Variants in PFKFB2 observed in about 807,000 individuals in gnomAD.
PFKFB2 encodes 6-phosphofructo-2-kinase/fructose-2,6-biphosphatase 2.
PFKFB2 carries 53 observed loss-of-function variants against 68.0 expected under a neutral mutation model. The ratio of observed to expected loss-of-function variants is 0.78; its 90% CI spans 0.63 to 0.98. The LOEUF (loss-of-function observed/expected upper bound fraction) is 0.98. PFKFB2 is among the 50% of genes least tolerant of loss of function. The pLI is 0.00. For synonymous variants in PFKFB2, 222 were observed against 227.6 expected (o/e 0.98, Z 0.22); for missense variants, 451 against 642.0 (o/e 0.70, Z 3.22).
intron 7 of PFKFB2, among the ~76,000 whole-genome samples, 172 bp from the exon 8 acceptor site, chr1:207,064,864 T>A (rs1683234376): frequency 7.5e-6 from 1 of 133,398 alleles, no homozygotes; most frequent in Non-Finnish European, 1.6e-5. Flanking sequence ...GTTGCCAGGG[T>A]CACAGGACGG....
rs752789808 is a variant in PFKFB2 at position 207,054,702 on chromosome 1, C to T, written c.-16C>T. 1.3e-6 allele frequency: 2 copies of T among 1,599,116 alleles called. No homozygotes were observed. Among genetic ancestry groups the T allele is most frequent in the Non-Finnish European group, 1.7e-6 (2 of 1,167,220 alleles). ...TTACATTCTACTTCTCTGTTTCAGA[C>T]ATCTGAAGAGCTGCCATGTCTGGGG... is the stretch of plus-strand genomic sequence containing the variant. On this transcript the variant is annotated splice_region_variant and 5_prime_UTR_variant, in exon 2 of 15. Transcript: ENST00000367080.
intron 2 of PFKFB2, among the ~76,000 whole-genome samples, chr1:207,057,401 C>T (rs1162338633): frequency 1.3e-5 from 2 of 150,176 alleles, no homozygotes; most frequent in African/African-American, 2.4e-5. Flanking sequence ...TGGCTTGAAC[C>T]CGGGAGGCGG....
At position 207,074,868 on chromosome 1, in the gene PFKFB2, C is replaced by T. The variant is rs993382645; in HGVS notation, c.*2497C>T. ...TCGCTTCTCCTGACTTTTCTGTTGT[C>T]CTATGGCTATGAGACTACAGGGGTT... On this transcript the variant is annotated 3_prime_UTR_variant, in exon 15 of 15. Coordinates refer to ENST00000367080, the MANE Select transcript of PFKFB2 (RefSeq NM_006212.2). 3.3e-5 allele frequency: 33 copies of T among 985,322 alleles called. No homozygotes were observed. The highest frequency in any genetic ancestry group is 1.8e-4 in the Admixed American group (3 of 16,268). The allele number at this position is 985,322 out of a possible 1,614,324, so 61.0% of individuals were successfully genotyped here.
intron 2 of PFKFB2, among the ~76,000 whole-genome samples, chr1:207,058,055 G>A (rs1020896593): frequency 1.3e-5 from 2 of 152,162 alleles, no homozygotes; most frequent in Non-Finnish European, 2.9e-5. Flanking sequence ...GTTCTATATT[G>A]TAAGCTGTTT....
rs201702529 is a variant in PFKFB2 at position 207,061,165 on chromosome 1, TTATATATATA to T, written c.86-760_86-751del. On this transcript the variant is annotated intron_variant, in intron 2 of 14. Coordinates refer to ENST00000367080, the MANE Select transcript of PFKFB2 (RefSeq NM_006212.2). Reference sequence around the variant, plus strand: ...TCTTTATATATATTTATATATATCTTTATATATATATATATATATATATATATATATATAT... The same window carrying T: ...TCTTTATATATATTTATATATATCTTTATATATATATATATATATATATAT... Among the ~76,000 whole-genome samples, 92 of 45,168 alleles carry T rather than the reference TTATATATATA, an allele frequency of 2.0e-3. 4 individuals are homozygous for T. Among genetic ancestry groups the T allele is most frequent in the African/African-American group, 6.5e-3 (72 of 11,094 alleles). 29.6% of individuals were successfully genotyped at this position (45,168 alleles called of 152,430 possible). A position where few individuals can be genotyped will look rare whatever the true frequency, so the allele number is the denominator to read the frequency against.
rs747776954 is a variant in PFKFB2 at position 207,071,187 on chromosome 1, G to A, written c.1223-1G>A. 6.2e-7 allele frequency: 1 copy of A among 1,613,352 alleles called. No individual in the cohort carries two copies. The highest frequency in any genetic ancestry group is 8.5e-7 in the Non-Finnish European group (1 of 1,179,302). On this transcript the variant is annotated splice_acceptor_variant, in intron 12 of 14. Coordinates refer to ENST00000367080, the MANE Select transcript of PFKFB2 (RefSeq NM_006212.2). LOFTEE classifies it high-confidence loss of function. ...CCCTCGCCTGGTCTTTCTGTTTTCA[G>A]ATGAGCTACCATACTTGAGATGCCC...
rs1683532057 is a variant in PFKFB2 at position 207,073,597 on chromosome 1, T to C, written c.*1226T>C. The C allele has an allele frequency of 1.0e-6, 1 of 985,120 alleles. No homozygotes were observed. Among genetic ancestry groups the C allele is most frequent in the Non-Finnish European group, 1.2e-6 (1 of 829,756 alleles). 61.0% of individuals were successfully genotyped at this position (985,120 alleles called of 1,614,324 possible). ...TGATGATGAATTTAATCTCTCTCAT[T>C]GGAGTATTCTTTTGTTCATAAAGAG... On this transcript the variant is annotated 3_prime_UTR_variant, in exon 15 of 15. Transcript: ENST00000367080.
chr1:207,076,791 T>G lies in PFKFB2; in HGVS notation c.*4420T>G, dbSNP rs957359609. ...GTAGTAGTGTCTGTGTGCTGACTGA[T>G]AGATAGACTATAGTAAAATTTGGGT... On this transcript the variant is annotated 3_prime_UTR_variant, in exon 15 of 15. Transcript: ENST00000367080. 2.0e-6 allele frequency: 2 copies of G among 982,090 alleles called. No individual in the cohort carries two copies. The highest frequency in any genetic ancestry group is 3.5e-5 in the African/African-American group (2 of 56,580). The allele number at this position is 982,090 out of a possible 1,614,324, so 60.8% of individuals were successfully genotyped here.
At chr1:207,050,990 G>C (rs753406894), upstream of PFKFB2, 2 of 1,531,492 alleles carry the variant, frequency 1.3e-6, no homozygotes, top group Admixed American at 2.1e-5. Context: ...ACCAGGCGCC[G>C]GGTGGACTCC....
In PFKFB2 at chr1:207,067,486, T is replaced by C. The variant is rs1198047364; in HGVS notation, c.633-13T>C. ...CTTACCTAGGGAATTTTTTTTTTCCTTTCCTGTCCCAGGGATCTTTCTTTC... is the reference window on the plus strand; with the variant it reads ...CTTACCTAGGGAATTTTTTTTTTCCCTTCCTGTCCCAGGGATCTTTCTTTC... On this transcript the variant is annotated splice_polypyrimidine_tract_variant and intron_variant, in intron 8 of 14. Transcript: ENST00000367080. 6.3e-7 allele frequency: 1 copy of C among 1,598,112 alleles called. No individual in the cohort carries two copies. The highest frequency in any genetic ancestry group is 1.7e-5 in the Admixed American group (1 of 57,554).
chr1:207,077,710 A>T lies in PFKFB2; in HGVS notation c.*5339A>T, dbSNP rs1683668880. 1 of 985,428 alleles carries T rather than the reference A, an allele frequency of 1.0e-6. No individual in the cohort carries two copies. The highest frequency in any genetic ancestry group is 1.7e-5 in the African/African-American group (1 of 57,246). 61.0% of individuals were successfully genotyped at this position (985,428 alleles called of 1,614,324 possible). ...TTTAATCGGGTGACACTGATAACAA[A>T]GTATGCCACTCAGATCCATTTAAAG... On this transcript the variant is annotated 3_prime_UTR_variant, in exon 15 of 15. Transcript: ENST00000367080.
downstream of PFKFB2, among the ~76,000 whole-genome samples, chr1:207,077,994 G>A (rs945649322): frequency 6.6e-6 from 1 of 152,220 alleles, no homozygotes; most frequent in Non-Finnish European, 1.5e-5. Context: ...ACCTTCTGGG[G>A]AAGATAGGAA....
chr1:207,052,431 G>A, upstream of PFKFB2: 4 of 502,776 alleles, frequency 8.0e-6, no homozygotes, highest in Non-Finnish European at 1.1e-5. Flanking sequence ...GGAGGCCGAG[G>A]CGGGTGAATC....
At chr1:207,064,586 G>A (rs567475194) in intron 7 of PFKFB2, among the ~76,000 whole-genome samples, 2 of 152,166 alleles carry the variant, frequency 1.3e-5, no homozygotes, top group South Asian at 2.1e-4. Flanking sequence ...CTGCTGGACC[G>A]AGTAGATATC....
At chr1:207,078,349 A>G (rs1683684169), downstream of PFKFB2, among the ~76,000 whole-genome samples, 1 of 152,190 alleles carries the variant, frequency 6.6e-6, no homozygotes, top group Non-Finnish European at 1.5e-5. Flanking sequence ...GAAATGCAGA[A>G]TCCCAGGCCC....
chr1:207,074,016 C>T lies in PFKFB2; in HGVS notation c.*1645C>T. On this transcript the variant is annotated 3_prime_UTR_variant, in exon 15 of 15. Transcript: ENST00000367080. Reference sequence around the variant, plus strand: ...GCTGTGGTTCTCATCCAGGAGTATTCCTTAGAATTGCCTTTAGGATTGTTG... The same window carrying T: ...GCTGTGGTTCTCATCCAGGAGTATTTCTTAGAATTGCCTTTAGGATTGTTG... 2.1e-6 allele frequency: 2 copies of T among 970,084 alleles called. No individual in the cohort carries two copies. The highest frequency in any genetic ancestry group is 2.5e-6 in the Non-Finnish European group (2 of 815,980). The allele number at this position is 970,084 out of a possible 1,614,324, so 60.1% of individuals were successfully genotyped here. A position where few individuals can be genotyped will look rare whatever the true frequency, so the allele number is the denominator to read the frequency against.
rs1683597593 is a variant in PFKFB2, at chr1:207,075,552, A to T, written c.*3181A>T. ...TGTCTATCACAAGTCCTACAAAATA[A>T]AAATGGACTTAAAAGTACTCTCTGC... On this transcript the variant is annotated 3_prime_UTR_variant, in exon 15 of 15. Coordinates refer to ENST00000367080, the MANE Select transcript of PFKFB2 (RefSeq NM_006212.2). The T allele has an allele frequency of 1.0e-6, 1 of 985,234 alleles. No homozygotes were observed. The highest frequency in any genetic ancestry group is 1.7e-5 in the African/African-American group (1 of 57,250). 61.0% of individuals were successfully genotyped at this position (985,234 alleles called of 1,614,324 possible). A position where few individuals can be genotyped will look rare whatever the true frequency, so the allele number is the denominator to read the frequency against.
intron 1 of PFKFB2, among the ~76,000 whole-genome samples, chr1:207,038,072 G>C (rs1682411522): frequency 6.6e-6 from 1 of 152,190 alleles, no homozygotes; most frequent in African/African-American, 2.4e-5. Flanking sequence ...CCACAGGGCA[G>C]TTACAGTAAA....
intron 7 of PFKFB2, among the ~76,000 whole-genome samples, 178 bp from the exon 8 acceptor site, chr1:207,064,858 C>T (rs1310672030): frequency 1.3e-5 from 2 of 151,748 alleles, no homozygotes; most frequent in Non-Finnish European, 1.5e-5. Flanking sequence ...TTTTTGGTTG[C>T]CAGGGTCACA....
Sources: gnomAD v4.1 joint callset for allele counts (sites outside exome capture counted in the v4.1 genomes callset) on GRCh38, gnomAD v4.1.1 for gene constraint, MANE v1.5 for transcripts, NCBI Gene and HGNC (gene_info 2026-07-23, HGNC 2026-07-21) for gene names.